The following ZFPM2 variants were observed in gnomAD, a reference collection of about 807,000 sequenced individuals.
The protein encoded by ZFPM2 is zinc finger protein ZFPM2.
In ZFPM2, 20 loss-of-function variants were observed where a neutral mutation model predicts 98.6. The observed-to-expected ratio is 0.20, with a 90% CI of 0.14 to 0.29. The LOEUF is 0.29. Ranked by LOEUF, ZFPM2 falls within the 10% of genes least tolerant of loss-of-function variation. The probability of loss-of-function intolerance (pLI) is 1.00; values close to 1 mark genes in which losing one functional copy is unlikely to be tolerated. For synonymous variants in ZFPM2, 518 were observed against 502.7 expected (o/e 1.03, Z -0.41); for missense variants, 1,310 against 1,388.6 (o/e 0.94, Z 0.90).
chr8:105,722,091 T>C (rs1811682060), intron 5 of ZFPM2, among the ~76,000 whole-genome samples: 1 of 151,780 alleles, frequency 6.6e-6, no homozygotes, highest in South Asian at 2.1e-4. Flanking sequence ...AGTTATTAAT[T>C]TTTTAAAATT....
chr8:105,368,228 A>G (rs905565615), intron 1 of ZFPM2, among the ~76,000 whole-genome samples: 1 of 150,556 alleles, frequency 6.6e-6, no homozygotes, highest in Non-Finnish European at 1.5e-5. Flanking sequence ...TATCAGAATG[A>G]TGCTGGCCTC....
rs573293192 is a variant in ZFPM2, at chr8:105,546,258, C to T, written c.302-15105C>T. On this transcript the variant is annotated intron_variant, in intron 3 of 7. Coordinates refer to ENST00000407775, the MANE Select transcript of ZFPM2 (RefSeq NM_012082.4). ...AGTTTTTATCCATATGTTTTATTTT[C>T]GTCTTTATTTATTCCCAATTACAAA... is the stretch of plus-strand genomic sequence containing the variant. 5.3e-5 allele frequency among the ~76,000 whole-genome samples: 8 copies of T among 152,122 alleles called. No individual in the cohort carries two copies. In the East Asian group the frequency reaches 7.7e-4, roughly 15 times the overall value.
chr8:105,775,545 G>A (rs1460147586), intron 5 of ZFPM2, among the ~76,000 whole-genome samples: 1 of 152,172 alleles, frequency 6.6e-6, no homozygotes, highest in African/African-American at 2.4e-5. Context: ...TAGGGGCTCA[G>A]CTGGGAGTTA....
intron 3 of ZFPM2, among the ~76,000 whole-genome samples, chr8:105,497,016 C>T (rs1321269864): frequency 1.4e-5 from 2 of 145,626 alleles, no homozygotes; most frequent in African/African-American, 2.5e-5. Context: ...AGATGAGTCT[C>T]GCTCTGTCGC....
At chr8:105,626,701 G>T (rs1586159666) in intron 4 of ZFPM2, among the ~76,000 whole-genome samples, 1 of 152,028 alleles carries the variant, frequency 6.6e-6, no homozygotes, top group Admixed American at 6.6e-5. Flanking sequence ...TGTCAAATAT[G>T]CTTTATAGCT....
intron 5 of ZFPM2, among the ~76,000 whole-genome samples, chr8:105,724,902 C>CAAA (rs1401204678): frequency 6.6e-6 from 1 of 151,534 alleles, no homozygotes; most frequent in Non-Finnish European, 1.5e-5. Flanking sequence ...CAAATTGTCA[C>CAAA]AAATCTCCAA....
intron 1 of ZFPM2, among the ~76,000 whole-genome samples, chr8:105,339,921 T>C (rs1471607984): frequency 6.6e-6 from 1 of 151,964 alleles, no homozygotes. Context: ...AATATAAGAA[T>C]TGATGCCATA....
intron 1 of ZFPM2, among the ~76,000 whole-genome samples, chr8:105,382,670 T>G (rs932610848): frequency 3.9e-5 from 6 of 152,058 alleles, no homozygotes; most frequent in Admixed American, 6.6e-5. Context: ...ATTTGGGGAA[T>G]GGCTTAAAAT....
chr8:105,656,332 C>T (rs1446434614), intron 5 of ZFPM2, among the ~76,000 whole-genome samples: 1 of 152,152 alleles, frequency 6.6e-6, no homozygotes, highest in Non-Finnish European at 1.5e-5. Flanking sequence ...GGTTTTTCTT[C>T]TGTAACTTAC....
intron 3 of ZFPM2, among the ~76,000 whole-genome samples, chr8:105,528,173 G>T (rs1368340198): frequency 1.3e-5 from 2 of 152,170 alleles, no homozygotes; most frequent in Admixed American, 6.5e-5. Flanking sequence ...TTGATGGGGA[G>T]GGGTGTATTT....
At chr8:105,583,919 A>G (rs981682796) in intron 4 of ZFPM2, among the ~76,000 whole-genome samples, 4 of 152,196 alleles carry the variant, frequency 2.6e-5, no homozygotes, top group African/African-American at 9.6e-5. Flanking sequence ...TACTGTAGTC[A>G]TAAGACCTGT....
intron 3 of ZFPM2, among the ~76,000 whole-genome samples, chr8:105,514,541 A>T (rs1335202609): frequency 2.0e-5 from 3 of 152,010 alleles, no homozygotes; most frequent in Non-Finnish European, 4.4e-5. Context: ...TCTCACACCC[A>T]GCTCTGTTGG....
intron 5 of ZFPM2, among the ~76,000 whole-genome samples, chr8:105,766,648 A>C (rs1586248649): frequency 6.6e-6 from 1 of 151,898 alleles, no homozygotes; most frequent in Non-Finnish European, 1.5e-5. Context: ...GCAGGGCTTT[A>C]GTGATTGATT....
At chr8:105,776,287 A>T (rs1385077717) in intron 5 of ZFPM2, among the ~76,000 whole-genome samples, 1 of 152,162 alleles carries the variant, frequency 6.6e-6, no homozygotes, top group African/African-American at 2.4e-5. Flanking sequence ...ACAGCTAATT[A>T]TATAGATTAA....
At position 105,419,745 on chromosome 8, in the gene ZFPM2, A is replaced by G. The variant is rs145719920; in HGVS notation, c.199+443A>G. Among the ~76,000 whole-genome samples, 38 of 152,262 alleles carry G rather than the reference A, an allele frequency of 2.5e-4. No individual in the cohort carries two copies. In the East Asian group the frequency reaches 6.9e-3, roughly 28 times the overall value. On this transcript the variant is annotated intron_variant, in intron 2 of 7. Coordinates refer to ENST00000407775, the MANE Select transcript of ZFPM2 (RefSeq NM_012082.4). Reference sequence around the variant, plus strand: ...GAAAACCGAATGCTTTAGGTGTTTAATGTTGACTTTCAACGGTGAGGATGG... The same window carrying G: ...GAAAACCGAATGCTTTAGGTGTTTAGTGTTGACTTTCAACGGTGAGGATGG...
intron 2 of ZFPM2, among the ~76,000 whole-genome samples, chr8:105,439,019 T>A (rs1169453065): frequency 7.7e-6 from 1 of 130,046 alleles, no homozygotes; most frequent in Admixed American, 7.8e-5. Context: ...CAGAAAGCAC[T>A]GTTTTTTTTA....
chr8:105,386,724 T>C (rs1810998348), intron 1 of ZFPM2, among the ~76,000 whole-genome samples: 1 of 152,122 alleles, frequency 6.6e-6, no homozygotes, highest in Non-Finnish European at 1.5e-5. Context: ...GCTTTTAGTC[T>C]CTTATCGGGC....
At chr8:105,669,789 T>A (rs1817555231) in intron 5 of ZFPM2, among the ~76,000 whole-genome samples, 1 of 152,188 alleles carries the variant, frequency 6.6e-6, no homozygotes, top group South Asian at 2.1e-4. Context: ...CGACTACAGC[T>A]ATGTCATGTA....
At chr8:105,609,908 G>A (rs967863585) in intron 4 of ZFPM2, among the ~76,000 whole-genome samples, 7 of 152,110 alleles carry the variant, frequency 4.6e-5, no homozygotes, top group African/African-American at 1.7e-4. Flanking sequence ...TAAATAAGTG[G>A]GAAATCATGT....
Sources: allele counts gnomAD v4.1 joint callset (sites outside exome capture counted in the v4.1 genomes callset), GRCh38; gene constraint gnomAD v4.1.1; transcripts MANE v1.5; gene names NCBI Gene and HGNC (gene_info 2026-07-23, HGNC 2026-07-21).